The following EHBP1 variants were observed in gnomAD, a reference collection of about 807,000 sequenced individuals.
EHBP1 encodes the protein EH domain binding protein 1, also known as EH domain-binding protein 1.
A neutral mutation model predicts 144.0 loss-of-function variants in EHBP1; 55 were observed. That is an observed-to-expected ratio of 0.38 (90% CI 0.31 to 0.48). The LOEUF is 0.48. Among genes scored for constraint, EHBP1 ranks in the 20% least tolerant of loss-of-function variants. The pLI, the probability that EHBP1 is intolerant of heterozygous loss-of-function variation, is 0.98. For missense variants in EHBP1, 1,200 were observed against 1,364.2 expected (o/e 0.88, Z 1.90); for synonymous variants, 469 against 472.7 (o/e 0.99, Z 0.10).
intron 14 of EHBP1, among the ~76,000 whole-genome samples, chr2:62,959,066 T>G (rs1010901737): frequency 1.3e-5 from 2 of 152,204 alleles, no homozygotes; most frequent in African/African-American, 4.8e-5. Flanking sequence ...TACCACTGTT[T>G]CGCTCTTTGA....
intron 10 of EHBP1, among the ~76,000 whole-genome samples, chr2:62,930,318 T>C (rs1401946660): frequency 6.6e-6 from 1 of 152,072 alleles, no homozygotes; most frequent in Non-Finnish European, 1.5e-5. Flanking sequence ...ATTAACTTGA[T>C]CAGGAAGGTA....
At chr2:62,864,622 C>G (rs1274767058) in intron 8 of EHBP1, 109 bp from the exon 9 acceptor site, 2 of 1,046,892 alleles carry the variant, frequency 1.9e-6, no homozygotes, top group Admixed American at 5.3e-5. Context: ...CTTTCTCAGC[C>G]CCATAGAGCT....
intron 9 of EHBP1, 102 bp downstream of exon 9, chr2:62,865,073 C>T (rs2049934290): frequency 2.3e-6 from 3 of 1,308,872 alleles, no homozygotes; most frequent in East Asian, 4.6e-5. Flanking sequence ...CATTAATGTA[C>T]ACTTTATAAG....
intron 1 of EHBP1, among the ~76,000 whole-genome samples, chr2:62,693,045 A>G (rs1335268693): frequency 1.3e-5 from 2 of 151,908 alleles, no homozygotes; most frequent in Non-Finnish European, 2.9e-5. Context: ...TCTGGTAACC[A>G]TCCTCTATCT....
At position 62,954,215 on chromosome 2, in the gene EHBP1, C is replaced by A. The variant is rs117519731; in HGVS notation, c.2317-1302C>A. On this transcript the variant is annotated intron_variant, in intron 13 of 22. Transcript: ENST00000431489. ...GTAATGGAATGCAGTAAGTTTTTAA[C>A]TGACCTGCTCAATGTTACATTGCTT... Among the ~76,000 whole-genome samples, 148 of 152,300 alleles carry A rather than the reference C, an allele frequency of 9.7e-4. 3 individuals carry two copies. The East Asian group carries it at 0.026, about 27-fold the overall frequency.
intron 10 of EHBP1, among the ~76,000 whole-genome samples, chr2:62,922,718 A>G (rs541180540): frequency 2.6e-5 from 4 of 152,194 alleles, no homozygotes; most frequent in Non-Finnish European, 5.9e-5. Flanking sequence ...GGAGTACAGC[A>G]GTGGAGTGGA....
At chr2:62,861,255 G>A (rs1218317559) in intron 8 of EHBP1, among the ~76,000 whole-genome samples, 1 of 148,962 alleles carries the variant, frequency 6.7e-6, no homozygotes, top group Non-Finnish European at 1.5e-5. Flanking sequence ...TCAGCCTCCC[G>A]AGTAGCCTGG....
intron 3 of EHBP1, among the ~76,000 whole-genome samples, chr2:62,757,426 C>CTTTTTTTTTTTTTTTTTTTTTTT (rs555494268): frequency 1.8e-5 from 2 of 113,040 alleles, no homozygotes; most frequent in Non-Finnish European, 3.7e-5. Context: ...TTTTTTTTTT[C>CTTTTTTTTTTTTTTTTTTTTTTT]TTTTTTTTTT....
At chr2:62,943,670 G>T in intron 11 of EHBP1, 132 bp from the exon 12 acceptor site, 1 of 473,966 alleles carries the variant, frequency 2.1e-6, no homozygotes, top group African/African-American at 2.0e-5. Flanking sequence ...TAGTTTTGTT[G>T]ATTGAATTGC....
intron 2 of EHBP1, among the ~76,000 whole-genome samples, chr2:62,722,320 A>G (rs2036309741): frequency 6.6e-6 from 1 of 151,858 alleles, no homozygotes; most frequent in Non-Finnish European, 1.5e-5. Flanking sequence ...TTTAGTAGAG[A>G]TGGGGTTTTA....
intron 10 of EHBP1, among the ~76,000 whole-genome samples, chr2:62,895,721 G>C (rs1443280592): frequency 1.3e-5 from 2 of 152,166 alleles, no homozygotes; most frequent in Non-Finnish European, 2.9e-5. Flanking sequence ...TCCCAGGCCA[G>C]AAATCATGAG....
intron 13 of EHBP1, among the ~76,000 whole-genome samples, chr2:62,950,368 G>T (rs2057310943): frequency 1.3e-5 from 2 of 152,048 alleles, no homozygotes; most frequent in Non-Finnish European, 2.9e-5. Flanking sequence ...TATCTCAACA[G>T]ATTGAATACA....
At chr2:62,828,682 C>T (rs1433928729) in intron 6 of EHBP1, among the ~76,000 whole-genome samples, 8 of 152,176 alleles carry the variant, frequency 5.3e-5, no homozygotes, top group Non-Finnish European at 8.8e-5. Flanking sequence ...CAAAAGCCTA[C>T]GTGGACTTCA....
chr2:62,695,677 C>T (rs900347355), intron 1 of EHBP1, among the ~76,000 whole-genome samples: 1 of 152,130 alleles, frequency 6.6e-6, no homozygotes, highest in Non-Finnish European at 1.5e-5. Context: ...ACAATATCTT[C>T]GATCTAAAAC....
intron 14 of EHBP1, 108 bp downstream of exon 14, chr2:62,955,768 A>C (rs1490353670): frequency 4.8e-5 from 58 of 1,203,610 alleles, no homozygotes; most frequent in Non-Finnish European, 6.4e-5. Flanking sequence ...CGGACTGTAC[A>C]TTGTGAATAC....
rs752301806 is a variant in EHBP1 at position 62,948,697 on chromosome 2, A to T, written c.1851A>T (p.Glu617Asp). The T allele has an allele frequency of 1.9e-6, 3 of 1,613,996 alleles. No individual in the cohort carries two copies. The highest frequency in any genetic ancestry group is 2.5e-6 in the Non-Finnish European group (3 of 1,179,990). ...GTCGCAGGACTAAAAGTGACACAGA[A>T]CCCCAGAAGTCTCAGCAGAGCTCTG... Reference protein sequence around the residue: ...PYCRRTKSDTEPQKSQQSSGR... With the variant: ...PYCRRTKSDTDPQKSQQSSGR... The change falls in exon 13 of 23, where the codon GAA becomes GAT. Residue 617 changes from glutamate to aspartate, a missense_variant. Transcript: ENST00000431489.
chr2:62,840,707 G>A (rs1220100628), intron 7 of EHBP1, among the ~76,000 whole-genome samples: 1 of 151,108 alleles, frequency 6.6e-6, no homozygotes, highest in Non-Finnish European at 1.5e-5. Context: ...CTCAAAAGAA[G>A]ACATTTATGC....
At chr2:62,694,251 C>T (rs1042463803) in intron 1 of EHBP1, among the ~76,000 whole-genome samples, 18 of 152,240 alleles carry the variant, frequency 1.2e-4, no homozygotes, top group African/African-American at 4.1e-4. Flanking sequence ...CAACAATATA[C>T]TCTAGAAAGT....
At chr2:62,714,801 A>C (rs1166331090) in intron 2 of EHBP1, among the ~76,000 whole-genome samples, 1 of 152,192 alleles carries the variant, frequency 6.6e-6, no homozygotes, top group Non-Finnish European at 1.5e-5. Flanking sequence ...ATGAACTAGC[A>C]TAGGTTGGAG....
Sources: gnomAD v4.1 joint callset for allele counts (sites outside exome capture counted in the v4.1 genomes callset) on GRCh38, gnomAD v4.1.1 for gene constraint, MANE v1.5 for transcripts, NCBI Gene and HGNC (gene_info 2026-07-23, HGNC 2026-07-21) for gene names.